Variants in GPR176 observed in about 807,000 individuals in gnomAD.
GPR176 encodes G-protein coupled receptor 176.
Under a neutral mutation model 35.4 loss-of-function variants are expected in GPR176, and 26 were observed. The observed-to-expected ratio is 0.74, with a 90% CI of 0.54 to 1.02. The LOEUF (loss-of-function observed/expected upper bound fraction) is 1.02, where lower values mean the gene tolerates loss of function less well. GPR176 is among the 50% of genes least tolerant of loss of function. The pLI is 0.00. For synonymous variants in GPR176, 278 were observed against 271.3 expected, an observed-to-expected ratio of 1.02 and a Z score of -0.24; for missense variants, 597 against 665.3, an observed-to-expected ratio of 0.90 and a Z score of 1.13.
chr15:39,847,778 T>C (rs1361001778), intron 1 of GPR176, among the ~76,000 whole-genome samples: 4 of 147,278 alleles, frequency 2.7e-5, no homozygotes, highest in East Asian at 2.0e-4. Context: ...GTCATGGTTA[T>C]CTTAATATCA....
chr15:39,873,326 T>C (rs944007257), intron 1 of GPR176, among the ~76,000 whole-genome samples: 14 of 152,132 alleles, frequency 9.2e-5, no homozygotes, highest in African/African-American at 2.7e-4. Context: ...CTACACTGTT[T>C]CTCAGGTAAT....
intron 1 of GPR176, among the ~76,000 whole-genome samples, chr15:39,850,593 G>A (rs2030791823): frequency 6.6e-6 from 1 of 152,090 alleles, no homozygotes; most frequent in Non-Finnish European, 1.5e-5. Context: ...AAGGGAAGTA[G>A]GTGTGGTTAT....
At chr15:39,812,739 A>C (rs1056007517) in intron 1 of GPR176, among the ~76,000 whole-genome samples, 1 of 91,542 alleles carries the variant, frequency 1.1e-5, no homozygotes. Context: ...CTCTCTTCTA[A>C]GCTTTATTTT....
At chr15:39,891,703 G>A (rs1017407189) in intron 1 of GPR176, among the ~76,000 whole-genome samples, 2 of 152,160 alleles carry the variant, frequency 1.3e-5, no homozygotes, top group Non-Finnish European at 2.9e-5. Context: ...GTACTGAGTG[G>A]TGGCATATAC....
chr15:39,807,640 C>T (rs1899286893), intron 1 of GPR176: 1 of 812,950 alleles, frequency 1.2e-6, no homozygotes, highest in Admixed American at 2.0e-5. Context: ...AACAGAAATA[C>T]AGTGCAAACC....
At chr15:39,916,865 C>G (rs1476845203) in intron 1 of GPR176, among the ~76,000 whole-genome samples, 2 of 152,088 alleles carry the variant, frequency 1.3e-5, no homozygotes, top group Admixed American at 1.3e-4. Context: ...GTTTTCTTGC[C>G]TTGCTTCTGA....
Position 39,907,916 on chromosome 15 carries a change from C to T in GPR176, c.172+11939G>A, listed in dbSNP as rs752746065. ...AGAAGAACTGCTCAAACCCAGGAGG[C>T]GGAGGTTGCAGTGAGCCGAGATCAT... On this transcript the variant is annotated intron_variant, in intron 1 of 2. Transcript: ENST00000561100. Among the ~76,000 whole-genome samples, 6 of 152,038 alleles carry T rather than the reference C, an allele frequency of 3.9e-5. No individual in the cohort carries two copies. The East Asian group carries it at 5.8e-4, about 15-fold the overall frequency.
At chr15:39,855,690 G>A (rs1393338227) in intron 1 of GPR176, among the ~76,000 whole-genome samples, 1 of 152,160 alleles carries the variant, frequency 6.6e-6, no homozygotes, top group Non-Finnish European at 1.5e-5. Context: ...TAACTCAGTT[G>A]AGTTATGTGG....
intron 1 of GPR176, among the ~76,000 whole-genome samples, chr15:39,828,210 T>C (rs1376580003): frequency 1.3e-5 from 2 of 152,200 alleles, no homozygotes; most frequent in Admixed American, 6.5e-5. Flanking sequence ...GAAAATGCTG[T>C]GGTTGCTTTC....
intron 1 of GPR176, among the ~76,000 whole-genome samples, chr15:39,857,209 C>T (rs1021997515): frequency 6.6e-6 from 1 of 152,164 alleles, no homozygotes. Flanking sequence ...ATGTCAAAGT[C>T]CATGAATGTT....
chr15:39,847,629 G>C (rs2030527656), intron 1 of GPR176, among the ~76,000 whole-genome samples: 1 of 150,892 alleles, frequency 6.6e-6, no homozygotes. Flanking sequence ...TGTAATCCCA[G>C]CTACTTGGGA....
At chr15:39,865,069 T>G (rs146132015) in intron 1 of GPR176, among the ~76,000 whole-genome samples, 2 of 151,936 alleles carry the variant, frequency 1.3e-5, no homozygotes, top group Non-Finnish European at 2.9e-5. Context: ...GGCAAGGACA[T>G]AGAGAAAAGG....
At chr15:39,884,877 C>T (rs2032613486) in intron 1 of GPR176, among the ~76,000 whole-genome samples, 1 of 152,180 alleles carries the variant, frequency 6.6e-6, no homozygotes, top group East Asian at 1.9e-4. Context: ...TATCTGGGCA[C>T]ATTGTTGCCC....
chr15:39,831,797 C>A (rs1286984514), intron 1 of GPR176, among the ~76,000 whole-genome samples: 1 of 152,082 alleles, frequency 6.6e-6, no homozygotes, highest in Non-Finnish European at 1.5e-5. Flanking sequence ...TCCATCAGCC[C>A]TCCGTATCCT....
chr15:39,807,552 A>G, intron 1 of GPR176: 3 of 1,522,062 alleles, frequency 2.0e-6, no homozygotes, highest in Non-Finnish European at 2.6e-6. Flanking sequence ...TGTATAAACA[A>G]TTTGCTAGTT....
chr15:39,915,750 G>A (rs766394509), intron 1 of GPR176, among the ~76,000 whole-genome samples: 2 of 152,056 alleles, frequency 1.3e-5, no homozygotes, highest in African/African-American at 4.8e-5. Flanking sequence ...GTGGTGGCAG[G>A]CACCTGTAAT....
intron 1 of GPR176, among the ~76,000 whole-genome samples, chr15:39,843,026 G>A (rs1393781445): frequency 2.6e-5 from 4 of 151,660 alleles, no homozygotes; most frequent in Admixed American, 6.6e-5. Context: ...ACTAAAAGCA[G>A]CACTGGATTC....
chr15:39,807,632 C>T lies in GPR176; in HGVS notation c.173-374G>A, dbSNP rs529271267. The T allele has an allele frequency of 2.7e-5, 24 of 892,402 alleles. No homozygotes were observed. The African/African-American group carries it at 3.0e-4, about 11-fold the overall frequency. 55.3% of individuals were successfully genotyped at this position (892,402 alleles called of 1,614,324 possible). On this transcript the variant is annotated intron_variant, in intron 1 of 2. Coordinates refer to ENST00000561100, the MANE Select transcript of GPR176 (RefSeq NM_007223.3). ...ACCTCCATGTTGCCAAACTCTGCAA[C>T]AGAAATACAGTGCAAACCGCACATG...
chr15:39,880,212 C>G (rs1276412913), intron 1 of GPR176, among the ~76,000 whole-genome samples: 2 of 152,154 alleles, frequency 1.3e-5, no homozygotes, highest in African/African-American at 4.8e-5. Flanking sequence ...TGAAACAGTT[C>G]TCTCCCAAAG....
Sources: allele counts gnomAD v4.1 joint callset (sites outside exome capture counted in the v4.1 genomes callset), GRCh38; gene constraint gnomAD v4.1.1; transcripts MANE v1.5; gene names NCBI Gene and HGNC (gene_info 2026-07-23, HGNC 2026-07-21).